Variants in MEGF11 observed in about 807,000 individuals in gnomAD.
The protein encoded by MEGF11 is multiple EGF like domains 11.
A neutral mutation model predicts 146.6 loss-of-function variants in MEGF11; 126 were observed. That is an observed-to-expected ratio of 0.86 (90% CI 0.74 to 1.00). MEGF11 has a LOEUF of 1.00. Ranked by LOEUF, MEGF11 falls within the 50% of genes least tolerant of loss-of-function variation. The pLI is 0.00. For synonymous variants in MEGF11, 532 were observed against 583.4 expected (o/e 0.91, Z 1.27); for missense variants, 1,509 against 1,521.2 (o/e 0.99, Z 0.13).
In MEGF11 at chr15:66,217,734, A is replaced by C. The variant is rs151167059; in HGVS notation, c.-9+35871T>G. On this transcript the variant is annotated intron_variant, in intron 1 of 25. Coordinates refer to ENST00000395614, the MANE Select transcript of MEGF11 (RefSeq NM_001385028.1). ...TTCATGTCAGACCCAAGGGGACCCA[A>C]AGAAGGGAAGAGATTTGCCTCTGTC... Among the ~76,000 whole-genome samples, 931 of 152,284 alleles carry C rather than the reference A, an allele frequency of 6.1e-3. 9 individuals carry two copies. Among genetic ancestry groups the C allele is most frequent in the African/African-American group, 0.021 (891 of 41,568 alleles).
In MEGF11 at chr15:65,955,793, T is replaced by TATATACAC. The variant is rs1555455862; in HGVS notation, c.1287+1753_1287+1754insGTGTATAT. ...ATATATATATATATATATATATATATACACACACACACACACACACAATAC... is the reference window on the plus strand; with the variant it reads ...ATATATATATATATATATATATATATATATACACACACACACACACACACACACAATAC... On this transcript the variant is annotated intron_variant, in intron 10 of 25. Transcript: ENST00000395614. Among the ~76,000 whole-genome samples the TATATACAC allele has an allele frequency of 1.9e-3, 13 of 6,766 alleles. 1 individual carries two copies. Among genetic ancestry groups the TATATACAC allele is most frequent in the South Asian group, 0.011 (1 of 88 alleles). 4.4% of individuals were successfully genotyped at this position (6,766 alleles called of 152,430 possible).
intron 1 of MEGF11, among the ~76,000 whole-genome samples, chr15:66,205,597 AG>A (rs755598466): frequency 6.6e-6 from 1 of 152,236 alleles, no homozygotes; most frequent in Non-Finnish European, 1.5e-5. Context: ...AGACCAAGAA[AG>A]GAGCTGAAAC....
intron 8 of MEGF11, among the ~76,000 whole-genome samples, chr15:65,970,003 A>G (rs1455356856): frequency 1.3e-5 from 2 of 151,968 alleles, no homozygotes; most frequent in African/African-American, 2.4e-5. Context: ...GCTGTGGCAC[A>G]TGTGCACACA....
At chr15:65,950,714 G>A (rs2080373606) in intron 10 of MEGF11, among the ~76,000 whole-genome samples, 2 of 152,150 alleles carry the variant, frequency 1.3e-5, no homozygotes, top group Admixed American at 6.5e-5. Flanking sequence ...GCTGGTATTC[G>A]AAGGCAGAGA....
At chr15:65,906,684 G>C (rs2078638956) in intron 23 of MEGF11, 1 of 152,346 alleles carries the variant, frequency 6.6e-6, no homozygotes, top group African/African-American at 2.4e-5. Flanking sequence ...AGGGTAGCCA[G>C]AGAGAAACAG....
intron 17 of MEGF11, 134 bp downstream of exon 17, chr15:65,916,694 G>T: frequency 1.4e-6 from 2 of 1,445,538 alleles, no homozygotes; most frequent in Non-Finnish European, 9.5e-7. Context: ...TTCTCGTGGG[G>T]CAGGAGTCAG....
Position 65,916,236 on chromosome 15 carries a change from T to C in MEGF11, c.2256A>G (p.Val752=). 1 of 1,562,536 alleles carries C rather than the reference T, an allele frequency of 6.4e-7. No individual in the cohort carries two copies. The highest frequency in any genetic ancestry group is 8.7e-7 in the Non-Finnish European group (1 of 1,153,368). Reference sequence around the variant, plus strand: ...AGCTGGCGCCATTCTGACACTGGCATACGCGCCCACAGTCCTTCCCAAAAA... The same window carrying C: ...AGCTGGCGCCATTCTGACACTGGCACACGCGCCCACAGTCCTTCCCAAAAA... ...AAFFGKDCGR[V]CQCQNGASCD... Residue 752 remains valine, a synonymous_variant, in exon 18 of 26, where the codon GTA becomes GTG. Transcript: ENST00000395614.
At chr15:66,191,370 T>C (rs894177254) in intron 1 of MEGF11, among the ~76,000 whole-genome samples, 1 of 152,224 alleles carries the variant, frequency 6.6e-6, no homozygotes, top group Admixed American at 6.5e-5. Context: ...GGGGTTTCAA[T>C]GGATGCTCTG....
intron 23 of MEGF11, among the ~76,000 whole-genome samples, chr15:65,908,754 C>T (rs1391478244): frequency 2.0e-5 from 3 of 152,172 alleles, no homozygotes; most frequent in Non-Finnish European, 2.9e-5. Context: ...ATTTTGTGGC[C>T]TGTAGGGAGG....
chr15:65,941,171 T>G (rs1208062043), intron 10 of MEGF11, among the ~76,000 whole-genome samples: 1 of 152,108 alleles, frequency 6.6e-6, no homozygotes, highest in African/African-American at 2.4e-5. Context: ...ATCCCAGCAC[T>G]TTGGGAGGCT....
chr15:66,234,982 C>T (rs1398565079), intron 1 of MEGF11, among the ~76,000 whole-genome samples: 2 of 152,142 alleles, frequency 1.3e-5, no homozygotes, highest in Admixed American at 6.5e-5. Flanking sequence ...GTCCTCATCC[C>T]ACAGGAAGTA....
At chr15:66,222,736 G>C (rs1174551801) in intron 1 of MEGF11, among the ~76,000 whole-genome samples, 3 of 152,188 alleles carry the variant, frequency 2.0e-5, no homozygotes, top group Non-Finnish European at 1.5e-5. Flanking sequence ...CACATGAAAA[G>C]AGCTCAACAC....
intron 4 of MEGF11, among the ~76,000 whole-genome samples, chr15:66,103,397 C>G (rs567404707): frequency 6.6e-6 from 1 of 152,220 alleles, no homozygotes; most frequent in African/African-American, 2.4e-5. Flanking sequence ...TACATAACCT[C>G]TCTGTGTCTC....
intron 2 of MEGF11, among the ~76,000 whole-genome samples, chr15:66,125,055 G>A (rs747886744): frequency 4.6e-5 from 7 of 152,246 alleles, no homozygotes; most frequent in Non-Finnish European, 7.3e-5. Flanking sequence ...AGGGGGCTGG[G>A]CAGGCCAGCT....
chr15:66,114,237 C>T (rs2087600734), intron 4 of MEGF11, among the ~76,000 whole-genome samples: 1 of 152,152 alleles, frequency 6.6e-6, no homozygotes. Context: ...TGTTTCTGAT[C>T]CTCTCTGCCT....
At chr15:66,009,785 G>A (rs1160508981) in intron 5 of MEGF11, among the ~76,000 whole-genome samples, 6 of 152,026 alleles carry the variant, frequency 3.9e-5, no homozygotes, top group South Asian at 2.1e-4. Context: ...TAGTAGAGGC[G>A]GGGTTTCATC....
At chr15:66,122,934 C>A (rs1334617650) in intron 3 of MEGF11, among the ~76,000 whole-genome samples, 2 of 152,112 alleles carry the variant, frequency 1.3e-5, no homozygotes. Flanking sequence ...CAGGCGCCCA[C>A]CACCACGCCC....
chr15:66,038,765 G>C (rs1189645929), intron 5 of MEGF11, among the ~76,000 whole-genome samples: 3 of 152,170 alleles, frequency 2.0e-5, no homozygotes, highest in African/African-American at 4.8e-5. Flanking sequence ...TTATAATGCA[G>C]TTTCCTAGGG....
chr15:66,155,812 T>C (rs1449252114), intron 1 of MEGF11, among the ~76,000 whole-genome samples: 2 of 152,166 alleles, frequency 1.3e-5, no homozygotes, highest in South Asian at 2.1e-4. Flanking sequence ...GTGTTCTTCT[T>C]CCCCACTCCA....
Sources: gnomAD v4.1 joint callset for allele counts (sites outside exome capture counted in the v4.1 genomes callset) on GRCh38, gnomAD v4.1.1 for gene constraint, MANE v1.5 for transcripts, NCBI Gene and HGNC (gene_info 2026-07-23, HGNC 2026-07-21) for gene names.